UBE2B: variants seen among roughly 807,000 people sequenced by gnomAD.
The protein encoded by UBE2B is ubiquitin conjugating enzyme E2 B.
In UBE2B, 11 loss-of-function variants were observed where a neutral mutation model predicts 24.6. The observed-to-expected ratio is 0.45, with a 90% CI of 0.28 to 0.74. UBE2B has a LOEUF of 0.74. Ranked by LOEUF, UBE2B falls within the 30% of genes least tolerant of loss-of-function variation. UBE2B has a pLI of 0.13. For synonymous variants in UBE2B, 68 were observed against 62.4 expected (o/e 1.09, Z -0.42); for missense variants, 78 against 185.6 (o/e 0.42, Z 3.37).
chr5:134,376,830 A>T lies in UBE2B; in HGVS notation c.151+136A>T. The T allele has an allele frequency of 2.6e-5, 20 of 783,368 alleles. No individual in the cohort carries two copies. The South Asian group carries it at 3.8e-4, about 15-fold the overall frequency. 48.5% of individuals were successfully genotyped at this position (783,368 alleles called of 1,614,324 possible). Reference sequence around the variant, plus strand: ...TTAAAAGTAAAGCTATGGAAAATTTATACTTCATAAGGGACTTCTTCCCAC... The same window carrying T: ...TTAAAAGTAAAGCTATGGAAAATTTTTACTTCATAAGGGACTTCTTCCCAC... On this transcript the variant is annotated intron_variant, in intron 3 of 5. Transcript: ENST00000265339.
chr5:134,372,810 A>T (rs1758503176), intron 1 of UBE2B, among the ~76,000 whole-genome samples: 1 of 152,206 alleles, frequency 6.6e-6, no homozygotes, highest in Non-Finnish European at 1.5e-5. Context: ...ATGATGCCCC[A>T]TGAAAAACAA....
intron 4 of UBE2B, 71 bp downstream of exon 4, chr5:134,380,879 C>A (rs933153527): frequency 9.7e-7 from 1 of 1,030,948 alleles, no homozygotes; most frequent in South Asian, 1.3e-5. Flanking sequence ...TTAGCTCTTT[C>A]ACCTTACTTT....
rs34560116 is a variant in UBE2B, at chr5:134,382,975, G to A, written c.241+2167G>A. The stretch of plus-strand genomic sequence containing the variant: ...AGGTCAAGAGATCAAGACCATCCTG[G>A]TCAACGTGGTGAAACCTCATCTCTA... On this transcript the variant is annotated intron_variant, in intron 4 of 5. Coordinates refer to ENST00000265339, the MANE Select transcript of UBE2B (RefSeq NM_003337.4). 7.5e-4 allele frequency among the ~76,000 whole-genome samples: 114 copies of A among 151,848 alleles called. No homozygotes were observed. In the East Asian group the frequency reaches 0.014, roughly 19 times the overall value.
intron 4 of UBE2B, among the ~76,000 whole-genome samples, chr5:134,386,096 G>A (rs762974167): frequency 1.3e-5 from 2 of 151,536 alleles, no homozygotes; most frequent in Non-Finnish European, 2.9e-5. Context: ...GGAGACCGAG[G>A]TGGGCAGATC....
At chr5:134,378,415 A>G (rs1396710576) in intron 3 of UBE2B, among the ~76,000 whole-genome samples, 1 of 152,022 alleles carries the variant, frequency 6.6e-6, no homozygotes, top group Non-Finnish European at 1.5e-5. Flanking sequence ...ATGTGCTACC[A>G]TGCCCGGCTA....
At position 134,391,616 on chromosome 5, in the gene UBE2B, T is replaced by C. The variant is rs565431590; in HGVS notation, c.*1263T>C. On this transcript the variant is annotated 3_prime_UTR_variant, in exon 6 of 6. Coordinates refer to ENST00000265339, the MANE Select transcript of UBE2B (RefSeq NM_003337.4). ...TCATATCCATAAAATTGGATTACAG[T>C]ATGGCAATATCTACAGCTTCTATTC... is the stretch of plus-strand genomic sequence containing the variant. 1 of 152,706 alleles carries C rather than the reference T, an allele frequency of 6.5e-6. No homozygotes were observed. The highest frequency in any genetic ancestry group is 6.5e-5 in the Admixed American group (1 of 15,288). 9.5% of individuals were successfully genotyped at this position (152,706 alleles called of 1,614,324 possible).
chr5:134,380,665 A>C, intron 3 of UBE2B, 54 bp from the exon 4 acceptor site: 5 of 1,030,578 alleles, frequency 4.9e-6, no homozygotes, highest in Non-Finnish European at 7.5e-6. Flanking sequence ...GAACTGATGA[A>C]GAGATTAAAA....
rs1186361546 is a variant in UBE2B, at chr5:134,390,010, C to CT, written c.331-212dup. ...TTATAGGTCTTAAGGCAATTGAGAA[C>CT]TTTATTTCAGAAGCTTAAGTTCCTT... is the stretch of plus-strand genomic sequence containing the variant. On this transcript the variant is annotated intron_variant, in intron 5 of 5. Coordinates refer to ENST00000265339, the MANE Select transcript of UBE2B (RefSeq NM_003337.4). The surrounding 1 kb of genome is among the most constrained non-coding windows in gnomAD (Gnocchi z 4.6). 1.6e-5 allele frequency: 9 copies of CT among 546,380 alleles called. No individual in the cohort carries two copies. The African/African-American group carries it at 1.7e-4, about 10-fold the overall frequency. 33.8% of individuals were successfully genotyped at this position (546,380 alleles called of 1,614,324 possible).
Position 134,390,402 on chromosome 5 carries a change from CCT to C in UBE2B, c.*53_*54del, listed in dbSNP as rs1561683947. On this transcript the variant is annotated 3_prime_UTR_variant, in exon 6 of 6. Coordinates refer to ENST00000265339, the MANE Select transcript of UBE2B (RefSeq NM_003337.4). This position sits in a 1 kb window ranked among gnomAD's most constrained non-coding sequence, Gnocchi z 4.6. ...TTTCATCATTGTTGTGTATAATTTA[CCT>C]CTCATTAGAAAGGCTAACAAATTTT... 1.9e-6 allele frequency: 3 copies of C among 1,610,182 alleles called. No individual in the cohort carries two copies. The highest frequency in any genetic ancestry group is 3.3e-4 in the Middle Eastern group (2 of 6,050).
intron 4 of UBE2B, among the ~76,000 whole-genome samples, chr5:134,381,112 G>A (rs1263304382): frequency 3.3e-5 from 5 of 151,868 alleles, no homozygotes; most frequent in Admixed American, 6.6e-5. Flanking sequence ...GACTACAGGC[G>A]TCCACCACCA....
At chr5:134,383,522 G>A (rs34262210) in intron 4 of UBE2B, among the ~76,000 whole-genome samples, 1,246 of 124,118 alleles carry the variant, frequency 0.01, 11 homozygotes, top group African/African-American at 0.035. Context: ...TTGCTCTATC[G>A]GCCAGGCTGG....
chr5:134,388,972 G>A (rs1758856396), intron 5 of UBE2B: 1 of 230,116 alleles, frequency 4.3e-6, no homozygotes, highest in African/African-American at 4.4e-5. Flanking sequence ...TTTTTTTTGA[G>A]ACAGTGTCTT....
At chr5:134,381,027 C>T (rs1318831574) in intron 4 of UBE2B, among the ~76,000 whole-genome samples, 9 of 125,018 alleles carry the variant, frequency 7.2e-5, no homozygotes, top group Non-Finnish European at 1.2e-4. Context: ...AGTGCAGTGG[C>T]GCGATCTCGG....
At chr5:134,373,293 T>A (rs953230735) in intron 1 of UBE2B, among the ~76,000 whole-genome samples, 3 of 152,016 alleles carry the variant, frequency 2.0e-5, no homozygotes, top group African/African-American at 7.2e-5. Flanking sequence ...AGTCATTTTG[T>A]GTTTACACTG....
intron 3 of UBE2B, among the ~76,000 whole-genome samples, chr5:134,378,583 A>AT (rs1352598173): frequency 2.0e-5 from 3 of 152,312 alleles, no homozygotes; most frequent in African/African-American, 7.2e-5. Flanking sequence ...TCTGTATGAT[A>AT]TGAAGTAGAA....
rs1242439049 is a variant in UBE2B, at chr5:134,390,948, A to C, written c.*595A>C. On this transcript the variant is annotated 3_prime_UTR_variant, in exon 6 of 6. Transcript: ENST00000265339. This position sits in a 1 kb window ranked among gnomAD's most constrained non-coding sequence, Gnocchi z 4.6. ...GATTATAATCTCCAACTTTATTTTG[A>C]ATGTACCTCTATTAGTTTCAATTGA... The C allele has an allele frequency of 1.3e-5, 2 of 154,738 alleles. No individual in the cohort carries two copies. Among genetic ancestry groups the C allele is most frequent in the Non-Finnish European group, 2.9e-5 (2 of 69,524 alleles). 9.6% of individuals were successfully genotyped at this position (154,738 alleles called of 1,614,324 possible). A position where few individuals can be genotyped will look rare whatever the true frequency, so the allele number is the denominator to read the frequency against.
chr5:134,382,449 A>G (rs1758723377), intron 4 of UBE2B, among the ~76,000 whole-genome samples: 1 of 152,094 alleles, frequency 6.6e-6, no homozygotes, highest in Non-Finnish European at 1.5e-5. Flanking sequence ...GCAAGATTCT[A>G]TCTCAAAAGT....
At chr5:134,376,068 C>T (rs143944552) in intron 2 of UBE2B, among the ~76,000 whole-genome samples, 3 of 150,916 alleles carry the variant, frequency 2.0e-5, no homozygotes, top group Non-Finnish European at 4.4e-5. Flanking sequence ...TGCGGTGGCT[C>T]ACGCCTCTAA....
intron 1 of UBE2B, among the ~76,000 whole-genome samples, chr5:134,373,484 A>T (rs915499973): frequency 4.0e-5 from 6 of 151,640 alleles, no homozygotes; most frequent in South Asian, 2.1e-4. Flanking sequence ...CTTTTTTTTT[A>T]AATATATTTT....
Sources: gnomAD v4.1 joint callset for allele counts (sites outside exome capture counted in the v4.1 genomes callset) on GRCh38, gnomAD v4.1.1 for gene constraint, Gnocchi (gnomAD v3.1) non-coding constraint, MANE v1.5 for transcripts, NCBI Gene and HGNC (gene_info 2026-07-23, HGNC 2026-07-21) for gene names.